Variants in FAM135A observed in about 807,000 individuals in gnomAD.
FAM135A encodes family with sequence similarity 135 member A, also known as protein FAM135A.
In FAM135A, 79 loss-of-function variants were observed where a neutral mutation model predicts 146.8. That is an observed-to-expected ratio of 0.54 (90% CI 0.45 to 0.65). The LOEUF (loss-of-function observed/expected upper bound fraction) is 0.65. Ranked by LOEUF, FAM135A falls within the 30% of genes least tolerant of loss-of-function variation. The probability of loss-of-function intolerance (pLI) is 0.00; values close to 1 mark genes in which losing one functional copy is unlikely to be tolerated. For synonymous variants in FAM135A, 562 were observed against 603.6 expected, an observed-to-expected ratio of 0.93 and a Z score of 1.01; for missense variants, 1,623 against 1,758.2, an observed-to-expected ratio of 0.92 and a Z score of 1.38.
intron 20 of FAM135A, among the ~76,000 whole-genome samples, chr6:70,543,009 C>T (rs1446843650): frequency 6.6e-6 from 1 of 152,136 alleles, no homozygotes; most frequent in African/African-American, 2.4e-5. Flanking sequence ...AACTTCCTTT[C>T]CTTAAGTAGG....
Position 70,560,969 on chromosome 6 carries a change from A to G in FAM135A, c.*1048A>G. On this transcript the variant is annotated 3_prime_UTR_variant, in exon 22 of 22. Coordinates refer to ENST00000418814, the MANE Select transcript of FAM135A (RefSeq NM_001162529.3). ...TTTACTAAAGGTGCTGAATAGCATT[A>G]AATTCACTATTTTCCTTTTCTGTTT... 1 of 152,596 alleles carries G rather than the reference A, an allele frequency of 6.6e-6. No homozygotes were observed. Among genetic ancestry groups the G allele is most frequent in the South Asian group, 2.1e-4 (1 of 4,830 alleles). 9.5% of individuals were successfully genotyped at this position (152,596 alleles called of 1,614,324 possible).
chr6:70,532,783 T>C (rs892936271), intron 16 of FAM135A, among the ~76,000 whole-genome samples: 18 of 152,206 alleles, frequency 1.2e-4, no homozygotes, highest in Middle Eastern at 3.4e-3. Context: ...ATACAAAATA[T>C]TAGCTGGGCA....
chr6:70,445,146 G>A lies in FAM135A; in HGVS notation c.78-7346G>A, dbSNP rs186481013. ...GGGTGGGAATACATAAACAGGGGTG[G>A]TAAAACTACAGCCTTTGGACCAAAT... On this transcript the variant is annotated intron_variant, in intron 4 of 21. Coordinates refer to ENST00000418814, the MANE Select transcript of FAM135A (RefSeq NM_001162529.3). 5.6e-3 allele frequency among the ~76,000 whole-genome samples: 858 copies of A among 152,250 alleles called. 4 individuals carry two copies. The highest frequency in any genetic ancestry group is 8.2e-3 in the Non-Finnish European group (558 of 68,016).
chr6:70,481,927 T>A, intron 9 of FAM135A, 74 bp from the exon 10 acceptor site: 1 of 1,420,072 alleles, frequency 7.0e-7, no homozygotes, highest in South Asian at 1.5e-5. Context: ...GTATTTTTTC[T>A]TTATTTTTCC....
chr6:70,477,068 AG>A, intron 7 of FAM135A, 90 bp from the exon 8 acceptor site: 1 of 1,304,384 alleles, frequency 7.7e-7, no homozygotes, highest in Non-Finnish European at 1.0e-6. Flanking sequence ...AAAGTAATTA[AG>A]TAAATAGTTT....
chr6:70,503,390 T>C (rs540303439), intron 12 of FAM135A: 16 of 152,338 alleles, frequency 1.1e-4, no homozygotes, highest in African/African-American at 3.4e-4. Flanking sequence ...GATTTTACTT[T>C]ACGTACTAGG....
intron 11 of FAM135A, among the ~76,000 whole-genome samples, chr6:70,500,309 G>C (rs150315153): frequency 6.6e-6 from 1 of 152,184 alleles, no homozygotes; most frequent in African/African-American, 2.4e-5. Flanking sequence ...TGAAGTTCTC[G>C]TGTTGTTTTT....
chr6:70,455,169 GTAT>G (rs1778061649), intron 5 of FAM135A, among the ~76,000 whole-genome samples: 1 of 151,996 alleles, frequency 6.6e-6, no homozygotes, highest in South Asian at 2.1e-4. Context: ...GGATTCCTAG[GTAT>G]TTTATTCTCT....
chr6:70,446,136 T>C (rs1474381021), intron 4 of FAM135A, among the ~76,000 whole-genome samples: 1 of 152,234 alleles, frequency 6.6e-6, no homozygotes, highest in Non-Finnish European at 1.5e-5. Flanking sequence ...CTTTAAATAT[T>C]TGTTCTTTTA....
At chr6:70,473,554 G>A (rs1273587217) in intron 5 of FAM135A, among the ~76,000 whole-genome samples, 1 of 152,086 alleles carries the variant, frequency 6.6e-6, no homozygotes, top group East Asian at 1.9e-4. Flanking sequence ...GATAGGTAAG[G>A]AAACTGGCTC....
At chr6:70,451,260 T>C (rs941719258) in intron 4 of FAM135A, among the ~76,000 whole-genome samples, 1 of 152,242 alleles carries the variant, frequency 6.6e-6, no homozygotes, top group Non-Finnish European at 1.5e-5. Flanking sequence ...ACATGGTCTC[T>C]ATGCGGAGGA....
intron 12 of FAM135A, among the ~76,000 whole-genome samples, chr6:70,516,390 A>G (rs1250642855): frequency 6.6e-6 from 1 of 152,100 alleles, no homozygotes; most frequent in Non-Finnish European, 1.5e-5. Flanking sequence ...TGAAATTTAT[A>G]CTTTAAAGCT....
intron 4 of FAM135A, among the ~76,000 whole-genome samples, chr6:70,450,699 G>A (rs1776816841): frequency 1.7e-5 from 2 of 116,976 alleles, no homozygotes; most frequent in Non-Finnish European, 3.5e-5. Context: ...AACTCAGGGA[G>A]TGTGACCCTT....
chr6:70,528,043 T>A (rs1021101170), intron 15 of FAM135A, among the ~76,000 whole-genome samples: 1 of 152,206 alleles, frequency 6.6e-6, no homozygotes, highest in African/African-American at 2.4e-5. Context: ...AGAGTTGATT[T>A]CAAGTTTAAA....
chr6:70,420,071 A>T (rs886112494), intron 2 of FAM135A, among the ~76,000 whole-genome samples: 1 of 152,170 alleles, frequency 6.6e-6, no homozygotes, highest in Non-Finnish European at 1.5e-5. Context: ...AATTTGTTTC[A>T]TGGATGCTAA....
chr6:70,556,769 T>C lies in FAM135A; in HGVS notation c.4248T>C (p.Asn1416=). ...TCACAGGGCTTCATTATTTCAAAAA[T>C]GTTGTGCTAGTGGGATCCCTACAGG... ...SNKAGLHYFK[N]VVLVGSLQDR... is the part of the protein sequence containing the mutation. Residue 1416 remains asparagine (N), a synonymous_variant, in exon 21 of 22, where the codon AAT becomes AAC. Transcript: ENST00000418814. 6.2e-7 allele frequency: 1 copy of C among 1,606,870 alleles called. No individual in the cohort carries two copies. The highest frequency in any genetic ancestry group is 8.5e-7 in the Non-Finnish European group (1 of 1,177,898).
intron 10 of FAM135A, among the ~76,000 whole-genome samples, chr6:70,489,081 T>C (rs1030838161): frequency 6.6e-6 from 1 of 152,200 alleles, no homozygotes; most frequent in South Asian, 2.1e-4. Flanking sequence ...ATGTAAACAT[T>C]AGAAAAATGT....
At chr6:70,474,988 T>G (rs565006469) in intron 5 of FAM135A, among the ~76,000 whole-genome samples, 31 of 152,300 alleles carry the variant, frequency 2.0e-4, no homozygotes, top group African/African-American at 7.2e-4. Context: ...TAGAGGCTAC[T>G]TCTCAGAAAC....
Position 70,524,520 on chromosome 6 carries a change from C to T in FAM135A, c.1436C>T (p.Ser479Phe). 1 of 1,551,132 alleles carries T rather than the reference C, an allele frequency of 6.4e-7. No individual in the cohort carries two copies. Among genetic ancestry groups the T allele is most frequent in the Non-Finnish European group, 8.7e-7 (1 of 1,146,724 alleles). The change falls in exon 15 of 22, where the codon TCT (serine) becomes TTT (phenylalanine). Residue 479 changes from serine to phenylalanine, a missense_variant. By Grantham distance (155) the Ser-to-Phe change is radical (BLOSUM62 -2). This residue lies in a region of FAM135A where 1,061 missense variants were observed against 1,113.8 expected (regional missense o/e 0.95). Coordinates refer to ENST00000418814, the MANE Select transcript of FAM135A (RefSeq NM_001162529.3). ...GAAGGTGAAAAGCAGCTAACAAAAT[C>T]TCTAAAAGGAAAGAATGAAGAATCA... ...YTEGEKQLTK[S>F]LKGKNEESNK... is the part of the protein sequence containing the mutation.
Sources: allele counts gnomAD v4.1 joint callset (sites outside exome capture counted in the v4.1 genomes callset), GRCh38; gene constraint gnomAD v4.1.1; regional missense constraint gnomAD v4.1.1; transcripts MANE v1.5; gene names NCBI Gene and HGNC (gene_info 2026-07-23, HGNC 2026-07-21).